ORC1: variants seen among roughly 807,000 people sequenced by gnomAD.
ORC1 encodes the protein origin recognition complex, subunit 1 homolog.
A neutral mutation model predicts 98.9 loss-of-function variants in ORC1; 61 were observed. The observed-to-expected ratio is 0.62, with a 90% CI of 0.50 to 0.76. ORC1 has a LOEUF of 0.76. ORC1 is among the 30% of genes least tolerant of loss of function. The probability of loss-of-function intolerance (pLI) is 0.00; values close to 1 mark genes in which losing one functional copy is unlikely to be tolerated. For synonymous variants in ORC1, 385 were observed against 406.9 expected (o/e 0.95, Z 0.65); for missense variants, 979 against 1,072.2 (o/e 0.91, Z 1.21).
upstream of ORC1, among the ~76,000 whole-genome samples, chr1:52,407,320 C>T (rs1648026001): frequency 6.6e-6 from 1 of 152,296 alleles, no homozygotes; most frequent in South Asian, 2.1e-4. Context: ...CTGGCTGGAA[C>T]GACTCTAATA....
intron 13 of ORC1, among the ~76,000 whole-genome samples, chr1:52,382,680 A>G (rs1647088234): frequency 6.7e-6 from 1 of 150,264 alleles, no homozygotes; most frequent in Admixed American, 6.6e-5. Context: ...CCCGGGTTCA[A>G]GAGATTCTCC....
At chr1:52,399,835 ACAC>A (rs1265919975) in intron 3 of ORC1, among the ~76,000 whole-genome samples, 2 of 151,716 alleles carry the variant, frequency 1.3e-5, no homozygotes. Context: ...ACACACACAC[ACAC>A]AAGAATTACA....
chr1:52,383,778 G>T, intron 12 of ORC1, 52 bp downstream of exon 12: 1 of 1,486,078 alleles, frequency 6.7e-7, no homozygotes, highest in East Asian at 2.3e-5. Context: ...TCCAGCACTT[G>T]CTCCTGAGGT....
chr1:52,393,417 G>T (rs779064369), intron 6 of ORC1, 26 bp downstream of exon 6: 4 of 1,613,892 alleles, frequency 2.5e-6, no homozygotes, highest in Admixed American at 1.7e-5. Flanking sequence ...ATTTCAATTT[G>T]CTCTGTGGGT....
Position 52,384,008 on chromosome 1 carries a change from C to A in ORC1, c.1756-71G>T, listed in dbSNP as rs1296787394. Reference sequence around the variant, plus strand: ...TCCCTTGGGCTTAAAGTTAAATCTGCAAATGGAGGGAGGCATTTAACCTGA... The same window carrying A: ...TCCCTTGGGCTTAAAGTTAAATCTGAAAATGGAGGGAGGCATTTAACCTGA... On this transcript the variant is annotated intron_variant, in intron 11 of 16. Coordinates refer to ENST00000371568, the MANE Select transcript of ORC1 (RefSeq NM_004153.4). 4 of 1,260,928 alleles carry A rather than the reference C, an allele frequency of 3.2e-6. No individual in the cohort carries two copies. The East Asian group carries it at 9.3e-5, about 29-fold the overall frequency. The allele number at this position is 1,260,928 out of a possible 1,614,324, so 78.1% of individuals were successfully genotyped here. A position where few individuals can be genotyped will look rare whatever the true frequency, so the allele number is the denominator to read the frequency against.
chr1:52,390,476 G>A (rs1394832288), intron 6 of ORC1, among the ~76,000 whole-genome samples: 1 of 152,214 alleles, frequency 6.6e-6, no homozygotes, highest in East Asian at 1.9e-4. Flanking sequence ...AAATAGTGCT[G>A]GAATAATTGG....
intron 11 of ORC1, 26 bp downstream of exon 11, chr1:52,384,524 C>T: frequency 6.2e-7 from 1 of 1,610,932 alleles, no homozygotes; most frequent in Non-Finnish European, 8.5e-7. Flanking sequence ...CAGCATTTTC[C>T]AAAAAGCCTA....
chr1:52,408,717 T>G (rs769188788), upstream of ORC1: 2 of 1,609,946 alleles, frequency 1.2e-6, no homozygotes, highest in South Asian at 2.2e-5. Context: ...GTCTCCTGAT[T>G]GTCATTTTTA....
chr1:52,383,744 G>T, intron 12 of ORC1, 86 bp downstream of exon 12: 1 of 1,330,160 alleles, frequency 7.5e-7, no homozygotes, highest in Non-Finnish European at 1.1e-6. Context: ...ATGGAGAAGG[G>T]AGCCAGGACT....
At chr1:52,400,972 G>A (rs561924492) in intron 3 of ORC1, among the ~76,000 whole-genome samples, 24 of 152,216 alleles carry the variant, frequency 1.6e-4, no homozygotes, top group Non-Finnish European at 2.2e-4. Flanking sequence ...CACTTGTAAC[G>A]AAGTAGCACT....
chr1:52,394,327 C>G (rs1356079157), intron 5 of ORC1, among the ~76,000 whole-genome samples: 1 of 152,180 alleles, frequency 6.6e-6, no homozygotes, highest in African/African-American at 2.4e-5. Context: ...ACCACAGCAC[C>G]AAGGACCCCA....
chr1:52,385,331 C>A, intron 9 of ORC1, 69 bp from the exon 10 acceptor site: 2 of 992,734 alleles, frequency 2.0e-6, no homozygotes, highest in South Asian at 2.5e-5. Context: ...ACTCATTAAT[C>A]AATGGAAAAT....
intron 4 of ORC1, 35 bp from the exon 5 acceptor site, chr1:52,396,399 T>A (rs753440970): frequency 6.2e-6 from 10 of 1,613,550 alleles, no homozygotes; most frequent in Non-Finnish European, 7.6e-6. Flanking sequence ...TAGGAAGAGA[T>A]GAGCCCCAAG....
At chr1:52,378,292 C>A (rs1647020041) in intron 14 of ORC1, among the ~76,000 whole-genome samples, 1 of 151,104 alleles carries the variant, frequency 6.6e-6, no homozygotes, top group Admixed American at 6.6e-5. Context: ...TTGCAGTGAG[C>A]TGAGATCGTG....
chr1:52,391,210 G>A (rs1270919460), intron 6 of ORC1, among the ~76,000 whole-genome samples: 1 of 151,324 alleles, frequency 6.6e-6, no homozygotes, highest in Non-Finnish European at 1.5e-5. Flanking sequence ...TCAGGAGGCT[G>A]AGGCAGAAGA....
intron 14 of ORC1, among the ~76,000 whole-genome samples, chr1:52,378,332 G>A (rs1647020799): frequency 7.2e-6 from 1 of 139,300 alleles, no homozygotes; most frequent in Non-Finnish European, 1.5e-5. Context: ...GCAACAGAGT[G>A]AGACTCCCTC....
chr1:52,394,479 C>T (rs551554596), intron 5 of ORC1, among the ~76,000 whole-genome samples: 1 of 152,186 alleles, frequency 6.6e-6, no homozygotes, highest in East Asian at 1.9e-4. Context: ...CACATGACTG[C>T]CTATTATATT....
chr1:52,387,329 G>A (rs932379985), intron 8 of ORC1, among the ~76,000 whole-genome samples: 15 of 152,244 alleles, frequency 9.9e-5, no homozygotes, highest in African/African-American at 3.4e-4. Context: ...GGTGATCTAG[G>A]GTAGAACAAT....
chr1:52,400,289 A>G (rs889243083), intron 3 of ORC1, among the ~76,000 whole-genome samples: 1 of 152,220 alleles, frequency 6.6e-6, no homozygotes, highest in Non-Finnish European at 1.5e-5. Context: ...CTACACACAC[A>G]TACTGTACAG....
Sources: gnomAD v4.1 joint callset for allele counts (sites outside exome capture counted in the v4.1 genomes callset) on GRCh38, gnomAD v4.1.1 for gene constraint, MANE v1.5 for transcripts, NCBI Gene and HGNC (gene_info 2026-07-23, HGNC 2026-07-21) for gene names.